The following CELF2 variants were observed in gnomAD, a reference collection of about 807,000 sequenced individuals.
CELF2 encodes the protein CUG triplet repeat RNA-binding protein 2.
CELF2 carries 8 observed loss-of-function variants against 62.6 expected under a neutral mutation model. That is an observed-to-expected ratio of 0.13 (90% CI 0.07 to 0.23). CELF2 has a LOEUF of 0.23. CELF2 is among the 10% of genes least tolerant of loss of function. CELF2 has a pLI of 1.00. For synonymous variants in CELF2, 258 were observed against 250.0 expected, an observed-to-expected ratio of 1.03 and a Z score of -0.30; for missense variants, 333 against 671.0, an observed-to-expected ratio of 0.50 and a Z score of 5.56.
chr10:11,261,909 G>A (rs530800916), intron 5 of CELF2, among the ~76,000 whole-genome samples: 2 of 152,330 alleles, frequency 1.3e-5, no homozygotes, highest in Admixed American at 1.3e-4. Flanking sequence ...ACCCTAGCAT[G>A]TTGATTTCCT....
At chr10:11,029,453 T>C (rs1271684923) in intron 1 of CELF2, among the ~76,000 whole-genome samples, 1 of 152,164 alleles carries the variant, frequency 6.6e-6, no homozygotes, top group African/African-American at 2.4e-5. Context: ...TGTGAATCCA[T>C]TGTTGAGGAA....
At chr10:10,964,521 C>A (rs776282576) in intron 2 of CELF2, among the ~76,000 whole-genome samples, 1 of 152,098 alleles carries the variant, frequency 6.6e-6, no homozygotes, top group African/African-American at 2.4e-5. Flanking sequence ...AAGGTCAGGC[C>A]TATGGAATTG....
chr10:10,551,858 A>G, the CELF2 span, among the ~76,000 whole-genome samples: 1 of 152,136 alleles, frequency 6.6e-6, no homozygotes, highest in Non-Finnish European at 1.5e-5. Flanking sequence ...CACTCTAATC[A>G]GCAACACGGA....
chr10:11,114,154 C>T (rs1337023142), intron 1 of CELF2, among the ~76,000 whole-genome samples: 1 of 152,106 alleles, frequency 6.6e-6, no homozygotes, highest in Admixed American at 6.6e-5. Flanking sequence ...TTGAGGGTTT[C>T]CTAGTTCTTG....
rs771651347 is a variant in CELF2 at position 10,934,875 on chromosome 10, A to T, written c.89+14876A>T. On this transcript the variant is annotated intron_variant, in intron 2 of 13. Coordinates refer to the CELF2 transcript ENST00000636488. This position sits in a 1 kb window ranked among gnomAD's most constrained non-coding sequence, Gnocchi z 4.4. ...CTTATCCTGGTGACATTCCCTGCTA[A>T]ATTAGACAAGATGCAAATTTGATAG... 6.6e-5 allele frequency: 10 copies of T among 152,250 alleles called. No homozygotes were observed. The highest frequency in any genetic ancestry group is 1.3e-4 in the Non-Finnish European group (9 of 68,044). The allele number at this position is 152,250 out of a possible 1,614,324, so 9.4% of individuals were successfully genotyped here. A position where few individuals can be genotyped will look rare whatever the true frequency, so the allele number is the denominator to read the frequency against.
intron 2 of CELF2, among the ~76,000 whole-genome samples, chr10:11,208,190 G>A (rs2060894984): frequency 1.3e-5 from 2 of 152,174 alleles, no homozygotes; most frequent in Non-Finnish European, 1.5e-5. Context: ...ATGGGAGGGT[G>A]TGGGGAGTTA....
intron 2 of CELF2, among the ~76,000 whole-genome samples, chr10:11,186,452 GTA>G (rs1287617605): frequency 1.3e-5 from 2 of 152,028 alleles, no homozygotes; most frequent in African/African-American, 4.8e-5. Flanking sequence ...CCAAATGAAA[GTA>G]TATAATGGTA....
the CELF2 span, among the ~76,000 whole-genome samples, chr10:10,518,542 T>A: frequency 6.6e-6 from 1 of 152,200 alleles, no homozygotes; most frequent in African/African-American, 2.4e-5. Context: ...ATGGCAAGAG[T>A]AGGAATTCTC....
intron 1 of CELF2, among the ~76,000 whole-genome samples, chr10:11,138,020 G>A (rs951102432): frequency 1.3e-5 from 2 of 152,126 alleles, no homozygotes; most frequent in South Asian, 2.1e-4. Context: ...AAAAATGGGG[G>A]AAAAACAGAT....
intron 1 of CELF2, among the ~76,000 whole-genome samples, chr10:11,126,830 A>G (rs2058778279): frequency 6.6e-6 from 1 of 151,614 alleles, no homozygotes; most frequent in Non-Finnish European, 1.5e-5. Context: ...CCCTGGGGAT[A>G]TAGTTGCTCT....
chr10:11,010,116 G>A lies in CELF2; in HGVS notation c.53+4676G>A, dbSNP rs1297720220. ...TCATGCTTTGCTTTGTGAACATCCT[G>A]GGCTGAGAGTCCAGCTCTCCTCTGG... On this transcript the variant is annotated intron_variant, in intron 1 of 12. Coordinates refer to the CELF2 transcript ENST00000416382. This position sits in a 1 kb window ranked among gnomAD's most constrained non-coding sequence, Gnocchi z 4.1. 6.6e-6 allele frequency: 1 copy of A among 152,240 alleles called. No homozygotes were observed. The highest frequency in any genetic ancestry group is 1.5e-5 in the Non-Finnish European group (1 of 68,042). The allele number at this position is 152,240 out of a possible 1,614,324, so 9.4% of individuals were successfully genotyped here. A position where few individuals can be genotyped will look rare whatever the true frequency, so the allele number is the denominator to read the frequency against.
At chr10:10,469,899 A>G in the CELF2 span, among the ~76,000 whole-genome samples, 1 of 151,878 alleles carries the variant, frequency 6.6e-6, no homozygotes, top group Admixed American at 6.6e-5. Flanking sequence ...GAGAACTTGT[A>G]TAATTCATCT....
At chr10:11,236,636 A>C (rs969280730) in intron 3 of CELF2, among the ~76,000 whole-genome samples, 3 of 152,258 alleles carry the variant, frequency 2.0e-5, no homozygotes, top group African/African-American at 7.2e-5. Flanking sequence ...ATGTGGTTTC[A>C]TTCGTATGCA....
chr10:11,031,252 T>C (rs748445188), intron 1 of CELF2, among the ~76,000 whole-genome samples: 2 of 152,202 alleles, frequency 1.3e-5, no homozygotes, highest in African/African-American at 2.4e-5. Context: ...CCTCCTTAAG[T>C]AGGCCTCGTA....
In CELF2 at chr10:10,990,024, A is replaced by T. The variant is rs1375248204; in HGVS notation, c.89+70025A>T. ...GGGAATGTCCATTGCAAATCTGCAA[A>T]GCAATTTAGTAATTTATGTTAAGAT... On this transcript the variant is annotated intron_variant, in intron 2 of 13. Transcript: ENST00000636488. The surrounding 1 kb of genome is among the most constrained non-coding windows in gnomAD (Gnocchi z 4.6). Among the ~76,000 whole-genome samples, 1 of 152,202 alleles carries T rather than the reference A, an allele frequency of 6.6e-6. No homozygotes were observed. The highest frequency in any genetic ancestry group is 1.9e-4 in the East Asian group (1 of 5,204).
intron 1 of CELF2, among the ~76,000 whole-genome samples, chr10:10,853,653 C>T (rs1438281708): frequency 2.6e-5 from 4 of 151,770 alleles, no homozygotes; most frequent in African/African-American, 9.7e-5. Flanking sequence ...AAAAAAAAGC[C>T]CCCTTATTGC....
In CELF2 at chr10:10,817,532, T is replaced by C. The variant is rs571748575; in HGVS notation, c.53+18715T>C. 5.0e-4 allele frequency among the ~76,000 whole-genome samples: 76 copies of C among 152,264 alleles called. 2 individuals are homozygous for C. The highest frequency in any genetic ancestry group is 1.8e-3 in the African/African-American group (74 of 41,546). The stretch of plus-strand genomic sequence containing the variant: ...TACTCTCTATGTCCATGAGTTCAAT[T>C]GTTTTGATTTTTAGATCCCACCAGT... On this transcript the variant is annotated intron_variant, in intron 1 of 13. Transcript: ENST00000636488.
At chr10:11,229,190 C>T (rs1019308545) in intron 3 of CELF2, among the ~76,000 whole-genome samples, 4 of 152,192 alleles carry the variant, frequency 2.6e-5, no homozygotes, top group Non-Finnish European at 4.4e-5. Context: ...ACCATGCCCC[C>T]GTGATTTCTC....
chr10:10,649,769 A>G, the CELF2 span, among the ~76,000 whole-genome samples: 2 of 152,208 alleles, frequency 1.3e-5, no homozygotes, highest in Non-Finnish European at 2.9e-5. Context: ...CCAACACTGC[A>G]GAAGGACCCG....
Sources: gnomAD v4.1 joint callset for allele counts (sites outside exome capture counted in the v4.1 genomes callset) on GRCh38, gnomAD v4.1.1 for gene constraint, Gnocchi (gnomAD v3.1) non-coding constraint, MANE v1.5 for transcripts, NCBI Gene and HGNC (gene_info 2026-07-23, HGNC 2026-07-21) for gene names.